ELF1: variants seen among roughly 807,000 people sequenced by gnomAD.
ELF1 encodes E74 like ETS transcription factor 1.
A neutral mutation model predicts 59.9 loss-of-function variants in ELF1; 24 were observed. The ratio of observed to expected loss-of-function variants is 0.40; its 90% CI spans 0.29 to 0.56. ELF1 has a LOEUF of 0.56. Ranked by LOEUF, ELF1 falls within the 20% of genes least tolerant of loss-of-function variation. The pLI is 0.44. For synonymous variants in ELF1, 248 were observed against 266.2 expected (o/e 0.93, Z 0.67); for missense variants, 627 against 742.2 (o/e 0.84, Z 1.80).
chr13:41,045,250 T>C (rs2138426184), intron 1 of ELF1, among the ~76,000 whole-genome samples: 1 of 152,050 alleles, frequency 6.6e-6, no homozygotes, highest in South Asian at 2.1e-4. Context: ...AAACAGCTCA[T>C]GGATTCACTG....
chr13:41,035,678 A>G (rs1380112394), intron 1 of ELF1, among the ~76,000 whole-genome samples: 4 of 151,624 alleles, frequency 2.6e-5, no homozygotes, highest in Non-Finnish European at 2.9e-5. Context: ...TAGGTGAAAA[A>G]TAATACTTTA....
chr13:40,968,568 T>C (rs1187687821), intron 2 of ELF1, among the ~76,000 whole-genome samples: 1 of 152,136 alleles, frequency 6.6e-6, no homozygotes, highest in Non-Finnish European at 1.5e-5. Flanking sequence ...CAAGCTAGGA[T>C]TGTACAATAG....
chr13:40,943,308 G>A (rs770878765), intron 6 of ELF1, among the ~76,000 whole-genome samples, 164 bp from the exon 7 acceptor site: 1 of 152,114 alleles, frequency 6.6e-6, no homozygotes, highest in Non-Finnish European at 1.5e-5. Flanking sequence ...TGATATAATG[G>A]TCATAATTTT....
chr13:40,967,357 G>A (rs949720172), intron 2 of ELF1, among the ~76,000 whole-genome samples: 4 of 152,166 alleles, frequency 2.6e-5, no homozygotes, highest in African/African-American at 9.7e-5. Flanking sequence ...TTGAACTCAT[G>A]CAAGTTATCC....
chr13:41,047,900 C>A (rs1876925189), intron 1 of ELF1, among the ~76,000 whole-genome samples: 1 of 152,232 alleles, frequency 6.6e-6, no homozygotes, highest in South Asian at 2.1e-4. Context: ...GGCAGGCAGG[C>A]CTCCTTGAGC....
chr13:40,939,326 A>C (rs1358153797), intron 8 of ELF1, among the ~76,000 whole-genome samples: 1 of 152,176 alleles, frequency 6.6e-6, no homozygotes, highest in African/African-American at 2.4e-5. Flanking sequence ...CAAAAAAACA[A>C]AACAAAACAA....
At chr13:41,019,746 C>G (rs947052546), upstream of ELF1, among the ~76,000 whole-genome samples, 3 of 152,092 alleles carry the variant, frequency 2.0e-5, no homozygotes, top group Admixed American at 2.0e-4. Context: ...TCTGGCTACT[C>G]ATTAACCCTC....
At position 40,941,238 on chromosome 13, in the gene ELF1, T is replaced by C. The variant is rs762084486; in HGVS notation, c.939A>G (p.Pro313=). 1.5e-5 allele frequency: 25 copies of C among 1,614,214 alleles called. No individual in the cohort carries two copies. The South Asian group carries it at 2.2e-4, about 14-fold the overall frequency. ...DPSSSIESSD[P]SLSSSATSNR... ...TTGAAGTGGCTGATGAAGATAGCGA[T>C]GGATCTGAAGACTCTATGCTGGAAC... The change falls in exon 8 of 9, where the codon CCA becomes CCG. Residue 313 remains proline, a synonymous_variant. Transcript: ENST00000239882.
chr13:41,016,308 T>C (rs1241199334), intron 1 of ELF1, among the ~76,000 whole-genome samples: 3 of 152,186 alleles, frequency 2.0e-5, no homozygotes, highest in African/African-American at 4.8e-5. Flanking sequence ...TCAGCAGTTA[T>C]GCATAAACCA....
At chr13:41,055,833 C>T (rs952659357) in intron 1 of ELF1, among the ~76,000 whole-genome samples, 1 of 151,828 alleles carries the variant, frequency 6.6e-6, no homozygotes, top group Admixed American at 6.6e-5. Flanking sequence ...TACAGGAACG[C>T]ACCACCACAC....
chr13:40,986,818 T>A (rs553887543), intron 1 of ELF1, among the ~76,000 whole-genome samples: 2 of 152,056 alleles, frequency 1.3e-5, no homozygotes, highest in Admixed American at 6.6e-5. Context: ...CTAAAAAAAA[T>A]ATGATAGTCA....
chr13:41,022,453 C>A (rs1211197268), upstream of ELF1, among the ~76,000 whole-genome samples: 2 of 152,152 alleles, frequency 1.3e-5, no homozygotes, highest in Non-Finnish European at 2.9e-5. Context: ...TTGAGGGTGA[C>A]AGAAATATTC....
chr13:41,048,217 G>T (rs546355890), intron 1 of ELF1, among the ~76,000 whole-genome samples: 1 of 152,346 alleles, frequency 6.6e-6, no homozygotes, highest in African/African-American at 2.4e-5. Context: ...CTGACCCCTT[G>T]CGCTTCCAGG....
intron 2 of ELF1, among the ~76,000 whole-genome samples, chr13:40,964,691 C>T (rs977998924): frequency 2.0e-5 from 3 of 152,090 alleles, no homozygotes; most frequent in Non-Finnish European, 2.9e-5. Context: ...TGCACCATTA[C>T]GCCTGGCTAA....
At chr13:41,059,770 T>C (rs561349608) in intron 1 of ELF1, among the ~76,000 whole-genome samples, 3 of 152,322 alleles carry the variant, frequency 2.0e-5, no homozygotes, top group Non-Finnish European at 4.4e-5. Context: ...TATTTAAAAA[T>C]ACAGTGAAAC....
At chr13:41,015,690 A>G (rs1446861044) in intron 1 of ELF1, among the ~76,000 whole-genome samples, 1 of 152,174 alleles carries the variant, frequency 6.6e-6, no homozygotes, top group Non-Finnish European at 1.5e-5. Flanking sequence ...GTTGACAATT[A>G]CAGCTTTAAA....
chr13:40,945,994 C>A (rs1019391950), intron 5 of ELF1, among the ~76,000 whole-genome samples: 1 of 152,140 alleles, frequency 6.6e-6, no homozygotes, highest in Non-Finnish European at 1.5e-5. Flanking sequence ...CAGGCACGTA[C>A]CACCATGCCT....
chr13:40,995,550 G>A lies in ELF1; in HGVS notation c.-228-13268C>T, dbSNP rs370818321. ...ATCAATGGAACAGAATAGAGAGCAC[G>A]GTTAATGGCACCACATAAATATAGT... On this transcript the variant is annotated intron_variant, in intron 1 of 8. Coordinates refer to ENST00000239882, the MANE Select transcript of ELF1 (RefSeq NM_172373.4). Among the ~76,000 whole-genome samples, 46 of 152,144 alleles carry A rather than the reference G, an allele frequency of 3.0e-4. 3 individuals are homozygous for A. The South Asian group carries it at 8.1e-3, about 27-fold the overall frequency.
chr13:40,994,535 TTG>T (rs1213083553), intron 1 of ELF1, among the ~76,000 whole-genome samples: 1 of 152,028 alleles, frequency 6.6e-6, no homozygotes, highest in Non-Finnish European at 1.5e-5. Flanking sequence ...TCCCAGGTAC[TTG>T]GAGGCCGAGG....
Sources: gnomAD v4.1 joint callset for allele counts (sites outside exome capture counted in the v4.1 genomes callset) on GRCh38, gnomAD v4.1.1 for gene constraint, MANE v1.5 for transcripts, NCBI Gene and HGNC (gene_info 2026-07-23, HGNC 2026-07-21) for gene names.